RPTOR: variants seen among roughly 807,000 people sequenced by gnomAD.
RPTOR encodes the protein regulatory-associated protein of mTOR.
RPTOR carries 21 observed loss-of-function variants against 169.9 expected under a neutral mutation model. The observed-to-expected ratio is 0.12, with a 90% confidence interval of 0.09 to 0.18. The LOEUF is 0.18. RPTOR is among the 10% of genes least tolerant of loss of function. The probability of loss-of-function intolerance (pLI) is 1.00; values close to 1 mark genes in which losing one functional copy is unlikely to be tolerated. For missense variants in RPTOR, 1,133 were observed against 1,855.9 expected, an observed-to-expected ratio of 0.61 and a Z score of 7.16; for synonymous variants, 732 against 753.2, an observed-to-expected ratio of 0.97 and a Z score of 0.46.
intron 33 of RPTOR, 49 bp downstream of exon 33, chr17:80,963,106 G>T: frequency 7.6e-7 from 1 of 1,312,742 alleles, no homozygotes; most frequent in Non-Finnish European, 1.1e-6. Flanking sequence ...TGGGGTAGAG[G>T]GATGGGAGGC....
At chr17:80,902,571 GT>G (rs1229374655) in intron 20 of RPTOR, among the ~76,000 whole-genome samples, 1 of 152,254 alleles carries the variant, frequency 6.6e-6, no homozygotes, top group Non-Finnish European at 1.5e-5. Context: ...GGCCTCACCT[GT>G]CCCGGCCCCC....
Position 80,694,933 on chromosome 17 carries a change from C to T in RPTOR, c.349-12908C>T, listed in dbSNP as rs545705124. On this transcript the variant is annotated intron_variant, in intron 3 of 33. Coordinates refer to ENST00000306801, the MANE Select transcript of RPTOR (RefSeq NM_020761.3). ...AGCACCACGGGCAGACACAGTGCCACGGGCAGCTATATCCAAGGAGGGTGA... is the reference window on the plus strand; with the variant it reads ...AGCACCACGGGCAGACACAGTGCCATGGGCAGCTATATCCAAGGAGGGTGA... Among the ~76,000 whole-genome samples the T allele has an allele frequency of 9.9e-5, 15 of 152,272 alleles. No homozygotes were observed. The South Asian group carries it at 2.5e-3, about 25-fold the overall frequency.
chr17:80,845,331 A>C lies in RPTOR; in HGVS notation c.1213-1142A>C, dbSNP rs2067716316. On this transcript the variant is annotated intron_variant, in intron 10 of 33. Coordinates refer to ENST00000306801, the MANE Select transcript of RPTOR (RefSeq NM_020761.3). This position sits in a 1 kb window ranked among gnomAD's most constrained non-coding sequence, Gnocchi z 5.4. ...GCCGCCTGACATTCTGACCCCAAGC[A>C]TTTTTTTTGGTCTCCCTCACCCGCG... 6.6e-6 allele frequency among the ~76,000 whole-genome samples: 1 copy of C among 151,134 alleles called. No homozygotes were observed. The highest frequency in any genetic ancestry group is 1.5e-5 in the Non-Finnish European group (1 of 67,716).
chr17:80,949,310 G>T (rs893918888), intron 27 of RPTOR, 133 bp from the exon 28 acceptor site: 4 of 759,164 alleles, frequency 5.3e-6, no homozygotes, highest in Non-Finnish European at 9.3e-6. Flanking sequence ...CTGGAACCAC[G>T]GGTAGTGAGT....
intron 21 of RPTOR, among the ~76,000 whole-genome samples, chr17:80,916,679 A>C (rs2068677389): frequency 6.6e-6 from 1 of 152,224 alleles, no homozygotes; most frequent in Non-Finnish European, 1.5e-5. Context: ...TTTACTTATA[A>C]AATGAAGACC....
At position 80,870,903 on chromosome 17, in the gene RPTOR, A is replaced by T. The variant is rs145409779; in HGVS notation, c.1510-9512A>T. 4.9e-3 allele frequency among the ~76,000 whole-genome samples: 742 copies of T among 152,316 alleles called. 6 individuals are homozygous for T. The highest frequency in any genetic ancestry group is 0.017 in the African/African-American group (715 of 41,574). On this transcript the variant is annotated intron_variant, in intron 13 of 33. Transcript: ENST00000306801. ...AATGAACTTATGTTGATCAGTTATT[A>T]ACTGCAGTTGATACTCTCATCAGAT... is the stretch of plus-strand genomic sequence containing the variant.
At chr17:80,656,625 A>G (rs1192289991) in intron 3 of RPTOR, among the ~76,000 whole-genome samples, 1 of 152,142 alleles carries the variant, frequency 6.6e-6, no homozygotes, top group East Asian at 1.9e-4. Flanking sequence ...GTGTCATCTC[A>G]GAGTAGGAAG....
At chr17:80,857,944 G>A (rs759493417) in intron 13 of RPTOR, 44 bp downstream of exon 13, 239 of 1,467,206 alleles carry the variant, frequency 1.6e-4, no homozygotes, top group East Asian at 2.5e-4. Context: ...TGAACCTGCC[G>A]GCCCTTCTGG....
intron 25 of RPTOR, chr17:80,942,158 C>A (rs1422528984): frequency 6.6e-6 from 1 of 151,940 alleles, no homozygotes; most frequent in South Asian, 2.1e-4. Flanking sequence ...CAGGTGGCGG[C>A]GACAGGAGGC....
At chr17:80,634,479 CTGTGTGTGCATACTG>C (rs1453030121) in intron 2 of RPTOR, among the ~76,000 whole-genome samples, 4,741 of 88,002 alleles carry the variant, frequency 0.054, 439 homozygotes, top group African/African-American at 0.21. Flanking sequence ...CGTGTGCATA[CTGTGTGTGCATACTG>C]TGTGTGTGCA....
intron 13 of RPTOR, among the ~76,000 whole-genome samples, chr17:80,869,213 G>A (rs111279601): frequency 0.015 from 2,321 of 152,150 alleles, 71 homozygotes; most frequent in African/African-American, 0.053. Flanking sequence ...AGGCTGGAGC[G>A]CAGTGGGGCG....
At chr17:80,800,908 C>G (rs1197297500) in intron 7 of RPTOR, among the ~76,000 whole-genome samples, 1 of 152,214 alleles carries the variant, frequency 6.6e-6, no homozygotes, top group African/African-American at 2.4e-5. Flanking sequence ...TTTTAAACCG[C>G]TAACAATCCA....
chr17:80,549,351 C>T (rs776857507), intron 1 of RPTOR, among the ~76,000 whole-genome samples: 3 of 152,240 alleles, frequency 2.0e-5, no homozygotes, highest in Middle Eastern at 3.4e-3. Context: ...AAAACAGATA[C>T]GTATATATCT....
At chr17:80,742,630 T>A (rs756894516) in intron 5 of RPTOR, among the ~76,000 whole-genome samples, 1 of 151,258 alleles carries the variant, frequency 6.6e-6, no homozygotes, top group South Asian at 2.1e-4. Flanking sequence ...CACACGCACA[T>A]ATACATACAT....
intron 3 of RPTOR, among the ~76,000 whole-genome samples, chr17:80,704,549 G>A (rs2143079021): frequency 6.6e-6 from 1 of 152,302 alleles, no homozygotes; most frequent in South Asian, 2.1e-4. Flanking sequence ...GCAGCTGTTT[G>A]TACACACATA....
chr17:80,959,811 C>A lies in RPTOR; in HGVS notation c.3478-267C>A, dbSNP rs1209297391. ...CTGGCCTCTGCCTCACTGGCTGGGT[C>A]CCAGGCGCCTCAGGGCCTCAGGGCT... On this transcript the variant is annotated intron_variant, in intron 29 of 33. Transcript: ENST00000306801. This position sits in a 1 kb window ranked among gnomAD's most constrained non-coding sequence, Gnocchi z 6.7. 2.6e-5 allele frequency among the ~76,000 whole-genome samples: 4 copies of A among 152,182 alleles called. No individual in the cohort carries two copies. Among genetic ancestry groups the A allele is most frequent in the Non-Finnish European group, 4.4e-5 (3 of 68,026 alleles).
chr17:80,647,746 G>T (rs2065607918), intron 3 of RPTOR, among the ~76,000 whole-genome samples: 1 of 152,192 alleles, frequency 6.6e-6, no homozygotes, highest in Non-Finnish European at 1.5e-5. Flanking sequence ...CTCAGTCATG[G>T]AGCCACGTTG....
chr17:80,561,948 ATGTC>A (rs2084503296), intron 1 of RPTOR, among the ~76,000 whole-genome samples: 1 of 151,576 alleles, frequency 6.6e-6, no homozygotes, highest in African/African-American at 2.4e-5. Flanking sequence ...ATGTGTGTTT[ATGTC>A]TGTATGTATG....
In RPTOR at chr17:80,874,942, A is replaced by T. The variant is rs559679089; in HGVS notation, c.1510-5473A>T. Among the ~76,000 whole-genome samples, 5 of 152,126 alleles carry T rather than the reference A, an allele frequency of 3.3e-5. No individual in the cohort carries two copies. In the South Asian group the frequency reaches 1.0e-3, roughly 32 times the overall value. ...ATGAAACACGGCCCGTATCTCTGTGATTGTCTCTGTGTTCACGTCAGAACG... is the reference window on the plus strand; with the variant it reads ...ATGAAACACGGCCCGTATCTCTGTGTTTGTCTCTGTGTTCACGTCAGAACG... On this transcript the variant is annotated intron_variant, in intron 13 of 33. Coordinates refer to ENST00000306801, the MANE Select transcript of RPTOR (RefSeq NM_020761.3).
Sources: gnomAD v4.1 joint callset for allele counts (sites outside exome capture counted in the v4.1 genomes callset) on GRCh38, gnomAD v4.1.1 for gene constraint, Gnocchi (gnomAD v3.1) non-coding constraint, MANE v1.5 for transcripts, NCBI Gene and HGNC (gene_info 2026-07-23, HGNC 2026-07-21) for gene names.